The following PPARGC1B variants were observed in gnomAD, a reference collection of about 807,000 sequenced individuals.
PPARGC1B encodes the protein peroxisome proliferator-activated receptor gamma coactivator 1-beta.
Under a neutral mutation model 101.6 loss-of-function variants are expected in PPARGC1B, and 34 were observed. That is an observed-to-expected ratio of 0.33 (90% CI 0.25 to 0.45). PPARGC1B has a LOEUF of 0.45. Ranked by LOEUF, PPARGC1B falls within the 20% of genes least tolerant of loss-of-function variation. The pLI is 1.00. For missense variants in PPARGC1B, 1,234 were observed against 1,317.6 expected, an observed-to-expected ratio of 0.94 and a Z score of 0.98; for synonymous variants, 548 against 539.3, an observed-to-expected ratio of 1.02 and a Z score of -0.22.
intron 1 of PPARGC1B, among the ~76,000 whole-genome samples, chr5:149,805,508 C>G (rs192153862): frequency 6.6e-6 from 1 of 152,076 alleles, no homozygotes; most frequent in Non-Finnish European, 1.5e-5. Flanking sequence ...GGCATGATCT[C>G]GGCTCACTGC....
At chr5:149,746,724 A>G (rs987350031) in intron 1 of PPARGC1B, among the ~76,000 whole-genome samples, 3 of 152,168 alleles carry the variant, frequency 2.0e-5, no homozygotes, top group African/African-American at 7.2e-5. Context: ...CCAACAGTGC[A>G]CAAGGGTCCC....
intron 4 of PPARGC1B, 30 bp downstream of exon 4, chr5:149,830,913 C>T: frequency 6.7e-7 from 1 of 1,486,570 alleles, no homozygotes; most frequent in Non-Finnish European, 9.4e-7. Context: ...CAAATCTACC[C>T]CAGGTGTCTG....
chr5:149,857,079 G>A (rs1759973950), downstream of PPARGC1B, among the ~76,000 whole-genome samples: 2 of 152,040 alleles, frequency 1.3e-5, no homozygotes, highest in Admixed American at 1.3e-4. Flanking sequence ...GGCCTAAGCT[G>A]CTTGGCTTTG....
chr5:149,751,697 C>T (rs1403169837), intron 1 of PPARGC1B, among the ~76,000 whole-genome samples: 1 of 150,844 alleles, frequency 6.6e-6, no homozygotes, highest in Non-Finnish European at 1.5e-5. Flanking sequence ...CAGAGGAAGA[C>T]TCTGTCCAAA....
intron 1 of PPARGC1B, among the ~76,000 whole-genome samples, chr5:149,800,427 G>A (rs1757395018): frequency 6.6e-6 from 1 of 152,238 alleles, no homozygotes; most frequent in African/African-American, 2.4e-5. Context: ...TGATAGGAGT[G>A]AGGCAGGCAG....
chr5:149,813,744 A>G (rs1374381491), intron 1 of PPARGC1B, among the ~76,000 whole-genome samples: 1 of 152,188 alleles, frequency 6.6e-6, no homozygotes, highest in African/African-American at 2.4e-5. Context: ...ACAACATACC[A>G]TAAACTGGGT....
At position 149,818,216 on chromosome 5, in the gene PPARGC1B, T is replaced by C. The variant is rs113362185; in HGVS notation, c.79-2217T>C. ...TCAGATTCCCAATCAGGTTCAGAAG[T>C]GTTCTGCTCTTCTCTGGAGAGTCAT... On this transcript the variant is annotated intron_variant, in intron 1 of 11. Transcript: ENST00000309241. Among the ~76,000 whole-genome samples, 713 of 152,304 alleles carry C rather than the reference T, an allele frequency of 4.7e-3. 8 individuals are homozygous for C. The highest frequency in any genetic ancestry group is 0.016 in the African/African-American group (678 of 41,560).
Position 149,849,708 on chromosome 5 carries a change from G to A in PPARGC1B, c.*2150G>A, listed in dbSNP as rs2113460986. Reference sequence around the variant, plus strand: ...ATGCTGGCCTATCCCTGTCTGTGATGTTCCGTTCCATGAGAGAAAACTCCC... The same window carrying A: ...ATGCTGGCCTATCCCTGTCTGTGATATTCCGTTCCATGAGAGAAAACTCCC... On this transcript the variant is annotated 3_prime_UTR_variant, in exon 12 of 12. Coordinates refer to ENST00000309241, the MANE Select transcript of PPARGC1B (RefSeq NM_133263.4). 1 of 152,322 alleles carries A rather than the reference G, an allele frequency of 6.6e-6. No homozygotes were observed. The highest frequency in any genetic ancestry group is 6.5e-5 in the Admixed American group (1 of 15,300). The allele number at this position is 152,322 out of a possible 1,614,324, so 9.4% of individuals were successfully genotyped here. A position where few individuals can be genotyped will look rare whatever the true frequency, so the allele number is the denominator to read the frequency against.
intron 1 of PPARGC1B, among the ~76,000 whole-genome samples, chr5:149,817,111 C>T (rs929788192): frequency 6.6e-5 from 10 of 152,300 alleles, no homozygotes; most frequent in African/African-American, 2.4e-4. Flanking sequence ...GGGGTCTTTG[C>T]CTCTGACTGT....
chr5:149,783,923 C>G (rs145621588), intron 1 of PPARGC1B, among the ~76,000 whole-genome samples: 1 of 152,162 alleles, frequency 6.6e-6, no homozygotes, highest in Non-Finnish European at 1.5e-5. Flanking sequence ...ATGTTTATAC[C>G]CTTCACCCGT....
At chr5:149,816,369 C>G (rs1292451496) in intron 1 of PPARGC1B, among the ~76,000 whole-genome samples, 1 of 152,228 alleles carries the variant, frequency 6.6e-6, no homozygotes, top group Admixed American at 6.5e-5. Flanking sequence ...CCGGATGACC[C>G]CGAACAAATC....
Position 149,847,668 on chromosome 5 carries a change from G to A in PPARGC1B, c.*110G>A. ...ATGAGGAGAGCGAGCGAGCGTGAGA[G>A]AACACCCGTGAGAGAGACTTGAAAC... On this transcript the variant is annotated 3_prime_UTR_variant, in exon 12 of 12. Coordinates refer to ENST00000309241, the MANE Select transcript of PPARGC1B (RefSeq NM_133263.4). 4.0e-6 allele frequency: 3 copies of A among 756,258 alleles called. No individual in the cohort carries two copies. The highest frequency in any genetic ancestry group is 1.8e-5 in the South Asian group (1 of 56,688). 46.8% of individuals were successfully genotyped at this position (756,258 alleles called of 1,614,324 possible). A position where few individuals can be genotyped will look rare whatever the true frequency, so the allele number is the denominator to read the frequency against.
chr5:149,844,045 G>A (rs1759452505), intron 10 of PPARGC1B, among the ~76,000 whole-genome samples: 1 of 152,206 alleles, frequency 6.6e-6, no homozygotes, highest in Non-Finnish European at 1.5e-5. Context: ...TTGGCAAGGT[G>A]AAAGATTTCT....
chr5:149,734,895 T>G (rs1383893683), intron 1 of PPARGC1B, among the ~76,000 whole-genome samples: 2 of 152,244 alleles, frequency 1.3e-5, no homozygotes, highest in Non-Finnish European at 1.5e-5. Context: ...GTTCTGTGTT[T>G]CTGAACTTGG....
intron 1 of PPARGC1B, among the ~76,000 whole-genome samples, chr5:149,732,148 G>A (rs1754518143): frequency 6.6e-6 from 1 of 152,014 alleles, no homozygotes; most frequent in Admixed American, 6.5e-5. Context: ...CGCCGTCGTC[G>A]CCGGGCTCCG....
intron 1 of PPARGC1B, among the ~76,000 whole-genome samples, chr5:149,773,645 G>A (rs1037489615): frequency 2.0e-5 from 3 of 152,222 alleles, no homozygotes; most frequent in Non-Finnish European, 2.9e-5. Context: ...GTGTAGTTAC[G>A]CACTGAGAAT....
At chr5:149,754,768 A>G (rs1253424195) in intron 1 of PPARGC1B, among the ~76,000 whole-genome samples, 11 of 131,112 alleles carry the variant, frequency 8.4e-5, no homozygotes, top group African/African-American at 3.2e-4. Context: ...CTTCCAGAGC[A>G]TCCTGATTTT....
intron 10 of PPARGC1B, among the ~76,000 whole-genome samples, chr5:149,844,968 A>G (rs938599296): frequency 6.6e-5 from 10 of 152,206 alleles, no homozygotes; most frequent in Non-Finnish European, 1.5e-4. Context: ...ACCCCTGAGA[A>G]GGTAGGAGTC....
chr5:149,774,127 G>A (rs527962737), intron 1 of PPARGC1B, among the ~76,000 whole-genome samples: 1 of 152,332 alleles, frequency 6.6e-6, no homozygotes, highest in African/African-American at 2.4e-5. Context: ...TTCCCTTTGG[G>A]GAGAGGCCAT....
Sources: allele counts gnomAD v4.1 joint callset (sites outside exome capture counted in the v4.1 genomes callset), GRCh38; gene constraint gnomAD v4.1.1; transcripts MANE v1.5; gene names NCBI Gene and HGNC (gene_info 2026-07-23, HGNC 2026-07-21).